OSMR: variants seen among roughly 807,000 people sequenced by gnomAD.
The protein encoded by OSMR is oncostatin M receptor, also known as oncostatin-M-specific receptor subunit beta.
OSMR carries 81 observed loss-of-function variants against 99.9 expected under a neutral mutation model. The ratio of observed to expected loss-of-function variants is 0.81; its 90% CI spans 0.68 to 0.97. The LOEUF is 0.97. Among genes scored for constraint, OSMR ranks in the 50% least tolerant of loss-of-function variants. OSMR has a pLI of 0.00. For missense variants in OSMR, 1,099 were observed against 1,153.4 expected, an observed-to-expected ratio of 0.95 and a Z score of 0.68; for synonymous variants, 406 against 410.4, an observed-to-expected ratio of 0.99 and a Z score of 0.13.
rs150494675 is a variant in OSMR at position 38,901,607 on chromosome 5, G to T, written c.992-2275G>T. On this transcript the variant is annotated intron_variant, in intron 7 of 17. Transcript: ENST00000274276. The stretch of plus-strand genomic sequence containing the variant: ...GCTGTTTAAAAGCGGTGTATCTGGG[G>T]GCTGCTTCAAGCAACTTATATGTCC... Among the ~76,000 whole-genome samples the T allele has an allele frequency of 2.0e-3, 300 of 152,228 alleles. 3 individuals carry two copies. The highest frequency in any genetic ancestry group is 6.6e-3 in the African/African-American group (275 of 41,518).
chr5:38,871,231 T>C (rs1476667445), intron 2 of OSMR, among the ~76,000 whole-genome samples: 1 of 152,248 alleles, frequency 6.6e-6, no homozygotes, highest in Non-Finnish European at 1.5e-5. Context: ...GATCCAGCAC[T>C]ATTTACTATG....
chr5:38,900,764 T>A (rs933481608), intron 7 of OSMR, among the ~76,000 whole-genome samples: 8 of 81,802 alleles, frequency 9.8e-5, no homozygotes, highest in South Asian at 4.3e-4. Context: ...GTAGAAGTAT[T>A]TTTTTTGTGT....
rs561989894 is a variant in OSMR, at chr5:38,881,817, A to G, written c.418+53A>G. 7.1e-5 allele frequency: 103 copies of G among 1,449,588 alleles called. 1 individual carries two copies. In the African/African-American group the frequency reaches 1.3e-3, roughly 18 times the overall value. The allele number at this position is 1,449,588 out of a possible 1,614,324, so 89.8% of individuals were successfully genotyped here. On this transcript the variant is annotated intron_variant, in intron 4 of 17. Coordinates refer to ENST00000274276, the MANE Select transcript of OSMR (RefSeq NM_003999.3). ...AAAAGGGTTAATATATTTTTTAATG[A>G]GGAGCAATAGTCAAATAGTGGAAAT...
downstream of OSMR, among the ~76,000 whole-genome samples, chr5:38,936,295 CTAAA>C (rs1376186501): frequency 6.6e-6 from 1 of 152,016 alleles, no homozygotes; most frequent in Non-Finnish European, 1.5e-5. Flanking sequence ...TCTGAGTTCT[CTAAA>C]TAAGCTCTAC....
At chr5:38,924,022 C>T (rs1165649802) in intron 13 of OSMR, among the ~76,000 whole-genome samples, 1 of 152,302 alleles carries the variant, frequency 6.6e-6, no homozygotes, top group East Asian at 1.9e-4. Flanking sequence ...ATAATTCTTC[C>T]ACTTCCTTCC....
intron 1 of OSMR, among the ~76,000 whole-genome samples, chr5:38,868,341 C>T (rs1742100789): frequency 6.6e-6 from 1 of 152,182 alleles, no homozygotes; most frequent in Admixed American, 6.5e-5. Flanking sequence ...ATGTGTTGCT[C>T]ATTCTTCTTC....
intron 3 of OSMR, among the ~76,000 whole-genome samples, chr5:38,878,686 T>C (rs903513912): frequency 3.3e-5 from 5 of 152,138 alleles, no homozygotes; most frequent in African/African-American, 1.2e-4. Flanking sequence ...GACTTACTGA[T>C]GTCTGCAAGG....
At chr5:38,928,239 C>T (rs181276130) in intron 15 of OSMR, among the ~76,000 whole-genome samples, 262 of 152,268 alleles carry the variant, frequency 1.7e-3, no homozygotes, top group Middle Eastern at 3.4e-3. Context: ...CCAAACTGTT[C>T]CAGCCTCTGC....
At chr5:38,879,168 G>A (rs538296313) in intron 3 of OSMR, among the ~76,000 whole-genome samples, 1 of 152,250 alleles carries the variant, frequency 6.6e-6, no homozygotes, top group South Asian at 2.1e-4. Context: ...ACTTTAGCAA[G>A]TAGAGTAGAA....
chr5:38,921,720 A>T lies in OSMR; in HGVS notation c.1691A>T (p.His564Leu). 2 of 1,614,174 alleles carry T rather than the reference A, an allele frequency of 1.2e-6. No individual in the cohort carries two copies. The highest frequency in any genetic ancestry group is 1.7e-5 in the Admixed American group (1 of 60,022). The change falls in exon 12 of 18, where the codon CAT becomes CTT. Residue 564 changes from histidine to leucine, a missense_variant. Transcript: ENST00000274276. ...VIGYVVDWCD[H>L]TQDVLGDFQW... Reference sequence around the variant, plus strand: ...GGCTATGTTGTGGACTGGTGTGACCATACCCAGGATGTGCTCGGTGATTTC... The same window carrying T: ...GGCTATGTTGTGGACTGGTGTGACCTTACCCAGGATGTGCTCGGTGATTTC...
chr5:38,930,679 T>C (rs930949029), intron 15 of OSMR, among the ~76,000 whole-genome samples: 1 of 152,164 alleles, frequency 6.6e-6, no homozygotes, highest in Non-Finnish European at 1.5e-5. Flanking sequence ...AGAGAGATAC[T>C]CTCTGAAAGA....
At chr5:38,899,092 A>G (rs112457714) in intron 7 of OSMR, among the ~76,000 whole-genome samples, 9,972 of 151,494 alleles carry the variant, frequency 0.066, 433 homozygotes, top group South Asian at 0.18. Context: ...CCCAAGTAGC[A>G]GGAATTGCAG....
chr5:38,851,396 A>G (rs948140792), intron 1 of OSMR, among the ~76,000 whole-genome samples: 1 of 152,086 alleles, frequency 6.6e-6, no homozygotes, highest in Non-Finnish European at 1.5e-5. Flanking sequence ...CACATGTGCA[A>G]GAGATTTACT....
intron 2 of OSMR, among the ~76,000 whole-genome samples, chr5:38,873,568 T>G (rs988193670): frequency 4.6e-5 from 7 of 152,198 alleles, no homozygotes; most frequent in African/African-American, 1.7e-4. Flanking sequence ...CAAAACGTTT[T>G]CAACAAGGTG....
intron 17 of OSMR, 90 bp from the exon 18 acceptor site, chr5:38,932,782 T>G (rs909881937): frequency 7.0e-6 from 11 of 1,580,162 alleles, no homozygotes; most frequent in Non-Finnish European, 9.5e-6. Context: ...ACATTGAAGC[T>G]CTAAGTGTAT....
intron 15 of OSMR, among the ~76,000 whole-genome samples, chr5:38,929,121 G>A (rs903785656): frequency 1.3e-5 from 2 of 152,048 alleles, no homozygotes; most frequent in Admixed American, 6.6e-5. Flanking sequence ...CCAATTAACT[G>A]TACCTCAGAT....
intron 2 of OSMR, among the ~76,000 whole-genome samples, chr5:38,874,061 A>G (rs1049423548): frequency 6.6e-6 from 1 of 151,988 alleles, no homozygotes; most frequent in African/African-American, 2.4e-5. Context: ...CCATTTTTAA[A>G]TTGAGTTCTT....
chr5:38,923,196 A>G lies in OSMR; in HGVS notation c.1812A>G (p.Leu604=), dbSNP rs758803524. ...GATATGACTTCAGAATTTATGGGTT[A>G]TCTACAAAAAGGATTGCTTGTTTAT... ...GVRYDFRIYG[L]STKRIACLLE... is the part of the protein sequence containing the mutation. The change falls in exon 13 of 18, where the codon TTA becomes TTG. Residue 604 remains leucine (L), a synonymous_variant. Coordinates refer to ENST00000274276, the MANE Select transcript of OSMR (RefSeq NM_003999.3). The G allele has an allele frequency of 3.7e-6, 6 of 1,613,360 alleles. No individual in the cohort carries two copies. Among genetic ancestry groups the G allele is most frequent in the Non-Finnish European group, 5.1e-6 (6 of 1,179,334 alleles).
downstream of OSMR, chr5:38,940,013 CG>C: frequency 5.1e-6 from 1 of 195,482 alleles, no homozygotes; most frequent in Non-Finnish European, 9.5e-6. Flanking sequence ...TAAATTTAAG[CG>C]TAGACTTTTT....
Sources: allele counts gnomAD v4.1 joint callset (sites outside exome capture counted in the v4.1 genomes callset), GRCh38; gene constraint gnomAD v4.1.1; transcripts MANE v1.5; gene names NCBI Gene and HGNC (gene_info 2026-07-23, HGNC 2026-07-21).